PTPN4: variants seen among roughly 807,000 people sequenced by gnomAD.
PTPN4 encodes the protein protein tyrosine phosphatase non-receptor type 4.
In PTPN4, 49 loss-of-function variants were observed where a neutral mutation model predicts 135.5. The ratio of observed to expected loss-of-function variants is 0.36; its 90% CI spans 0.29 to 0.46. The LOEUF (loss-of-function observed/expected upper bound fraction) is 0.46, where lower values mean the gene tolerates loss of function less well. Among genes scored for constraint, PTPN4 ranks in the 20% least tolerant of loss-of-function variants. The pLI, the probability that PTPN4 is intolerant of heterozygous loss-of-function variation, is 1.00. For missense variants in PTPN4, 860 were observed against 1,101.0 expected, an observed-to-expected ratio of 0.78 and a Z score of 3.10; for synonymous variants, 333 against 369.9, an observed-to-expected ratio of 0.90 and a Z score of 1.14.
intron 1 of PTPN4, among the ~76,000 whole-genome samples, chr2:119,769,418 C>T (rs1690695176): frequency 6.6e-6 from 1 of 152,260 alleles, no homozygotes; most frequent in East Asian, 1.9e-4. Flanking sequence ...TCATCTCAGA[C>T]CTTATAGATT....
intron 2 of PTPN4, among the ~76,000 whole-genome samples, chr2:119,832,317 A>G (rs1677230841): frequency 1.3e-5 from 2 of 152,120 alleles, no homozygotes; most frequent in East Asian, 3.8e-4. Context: ...ATTTTATTGT[A>G]TTTGAGAGGA....
At chr2:119,888,279 A>G (rs151018231) in intron 9 of PTPN4, among the ~76,000 whole-genome samples, 74 of 152,274 alleles carry the variant, frequency 4.9e-4, no homozygotes, top group African/African-American at 1.3e-3. Flanking sequence ...ATATAAGATC[A>G]TATCATCAGC....
chr2:119,784,520 G>A (rs1032739845), intron 1 of PTPN4, among the ~76,000 whole-genome samples: 9 of 151,256 alleles, frequency 6.0e-5, no homozygotes, highest in Non-Finnish European at 1.2e-4. Context: ...CCGAGTAGCT[G>A]GGACTACAGG....
rs1679388535 is a variant in PTPN4 at position 119,962,840 on chromosome 2, A to T, written c.2409+96A>T. 6 of 1,063,544 alleles carry T rather than the reference A, an allele frequency of 5.6e-6. 1 individual carries two copies. The South Asian group carries it at 1.6e-4, about 28-fold the overall frequency. The allele number at this position is 1,063,544 out of a possible 1,614,324, so 65.9% of individuals were successfully genotyped here. ...TTAGTTTGAGTATTGGTTGCTAGGA[A>T]ATACTATAAGAATTATTGAATTATT... On this transcript the variant is annotated intron_variant, in intron 24 of 26. Transcript: ENST00000263708.
chr2:119,952,200 G>T, intron 19 of PTPN4, 71 bp downstream of exon 19: 1 of 1,378,642 alleles, frequency 7.3e-7, no homozygotes, highest in Non-Finnish European at 9.8e-7. Flanking sequence ...ACAGCAGCCA[G>T]ATTTCTGACA....
rs1679659844 is a variant in PTPN4, at chr2:119,979,297, G to A, written c.*2227G>A. On this transcript the variant is annotated 3_prime_UTR_variant, in exon 27 of 27. Transcript: ENST00000263708. The stretch of plus-strand genomic sequence containing the variant: ...TGTAAAGAGACAAAAGTCATGGTTG[G>A]CATGTTCTTTAATTTAGGGCCTTGT... The A allele has an allele frequency of 6.6e-6, 1 of 152,072 alleles. No individual in the cohort carries two copies. The highest frequency in any genetic ancestry group is 1.5e-5 in the Non-Finnish European group (1 of 67,948). 9.4% of individuals were successfully genotyped at this position (152,072 alleles called of 1,614,324 possible).
chr2:119,965,458 T>C lies in PTPN4; in HGVS notation c.2410-39T>C, dbSNP rs1039578200. ...AGGTTTGTAGGGACAATTTCAATAA[T>C]ACATAAGTCAAGGTGCATAATTTTT... On this transcript the variant is annotated intron_variant, in intron 24 of 26. Coordinates refer to ENST00000263708, the MANE Select transcript of PTPN4 (RefSeq NM_002830.4). 2.6e-6 allele frequency: 4 copies of C among 1,555,184 alleles called. No homozygotes were observed. In the African/African-American group the frequency reaches 4.1e-5, roughly 16 times the overall value.
chr2:119,896,356 G>A (rs554352279), intron 9 of PTPN4, among the ~76,000 whole-genome samples: 1 of 152,244 alleles, frequency 6.6e-6, no homozygotes, highest in East Asian at 1.9e-4. Flanking sequence ...CTTGTGCTTA[G>A]AATTTACCTG....
intron 2 of PTPN4, among the ~76,000 whole-genome samples, chr2:119,815,144 A>G (rs951966789): frequency 2.6e-5 from 4 of 152,132 alleles, no homozygotes; most frequent in African/African-American, 9.7e-5. Context: ...ACTTCTATTG[A>G]AAGATTCTTG....
intron 2 of PTPN4, among the ~76,000 whole-genome samples, chr2:119,852,356 C>T (rs1677605573): frequency 1.3e-5 from 2 of 152,210 alleles, no homozygotes; most frequent in Admixed American, 1.3e-4. Context: ...GGGTTAAAAA[C>T]CCCTTCCTTC....
chr2:119,766,155 G>A (rs1690614069), intron 1 of PTPN4, among the ~76,000 whole-genome samples: 1 of 151,896 alleles, frequency 6.6e-6, no homozygotes, highest in South Asian at 2.1e-4. Context: ...GGTTTCTTTT[G>A]GCTTTGAATA....
At chr2:119,869,649 T>A (rs997592425) in intron 3 of PTPN4, among the ~76,000 whole-genome samples, 2 of 152,202 alleles carry the variant, frequency 1.3e-5, no homozygotes, top group Non-Finnish European at 2.9e-5. Context: ...GATTTGAACT[T>A]GCCCGTAGGC....
chr2:119,925,611 A>C (rs1678813053), intron 12 of PTPN4, among the ~76,000 whole-genome samples: 1 of 152,198 alleles, frequency 6.6e-6, no homozygotes, highest in Non-Finnish European at 1.5e-5. Flanking sequence ...ATGAAGTAAA[A>C]ATGTTAACTG....
chr2:119,912,675 G>A (rs1161555700), intron 10 of PTPN4, among the ~76,000 whole-genome samples: 2 of 152,052 alleles, frequency 1.3e-5, no homozygotes, highest in Non-Finnish European at 2.9e-5. Flanking sequence ...AAATATGTTG[G>A]ATATTCATAT....
intron 24 of PTPN4, 122 bp from the exon 25 acceptor site, chr2:119,965,375 C>A: frequency 1.1e-6 from 1 of 947,988 alleles, no homozygotes; most frequent in Non-Finnish European, 1.5e-6. Context: ...GCTAAGTGTG[C>A]TGCAAGCTGT....
intron 12 of PTPN4, among the ~76,000 whole-genome samples, chr2:119,922,218 TAA>T (rs34480531): frequency 0.28 from 34,171 of 120,152 alleles, 4,294 homozygotes; most frequent in South Asian, 0.34. Context: ...CAATCTGATT[TAA>T]AAAAAAAAAA....
chr2:119,822,355 T>TCCC (rs772960066), intron 2 of PTPN4, among the ~76,000 whole-genome samples: 30 of 112,552 alleles, frequency 2.7e-4, no homozygotes, highest in Non-Finnish European at 5.5e-4. Flanking sequence ...TAGTATCCCC[T>TCCC]CCCCCCCCCT....
At chr2:119,789,925 A>G (rs1691113639) in intron 1 of PTPN4, among the ~76,000 whole-genome samples, 1 of 151,808 alleles carries the variant, frequency 6.6e-6, no homozygotes, top group Admixed American at 6.6e-5. Context: ...ACTCGGTTTC[A>G]TTATGTTGGC....
At chr2:119,860,822 C>G (rs886771840) in intron 2 of PTPN4, among the ~76,000 whole-genome samples, 18 of 152,208 alleles carry the variant, frequency 1.2e-4, no homozygotes, top group African/African-American at 4.1e-4. Flanking sequence ...AGGCAGATCA[C>G]CTGAGGTCAG....
Sources: allele counts gnomAD v4.1 joint callset (sites outside exome capture counted in the v4.1 genomes callset), GRCh38; gene constraint gnomAD v4.1.1; transcripts MANE v1.5; gene names NCBI Gene and HGNC (gene_info 2026-07-23, HGNC 2026-07-21).